The following ZNF680 variants were observed in gnomAD, a reference collection of about 807,000 sequenced individuals.
ZNF680 encodes hypothetical protein FLJ90430.
In ZNF680, 6 loss-of-function variants were observed where a neutral mutation model predicts 12.1. The ratio of observed to expected loss-of-function variants is 0.49; its 90% CI spans 0.27 to 0.98. The LOEUF (loss-of-function observed/expected upper bound fraction) is 0.98. Among genes scored for constraint, ZNF680 ranks in the 50% least tolerant of loss-of-function variants. The pLI is 0.12. For missense variants in ZNF680, 561 were observed against 616.3 expected (o/e 0.91, Z 0.95); for synonymous variants, 170 against 199.3 (o/e 0.85, Z 1.24).
chr7:64,503,946 C>T, the ZNF680 span, among the ~76,000 whole-genome samples: 2 of 152,150 alleles, frequency 1.3e-5, no homozygotes, highest in African/African-American at 4.8e-5. Context: ...AAAAAGCTAA[C>T]ATATTTTAAA....
At position 64,520,041 on chromosome 7, in the gene ZNF680, G is replaced by C. The variant is rs1791448248; in HGVS notation, c.*1120C>G. 6.6e-6 allele frequency: 1 copy of C among 151,626 alleles called. No individual in the cohort carries two copies. The highest frequency in any genetic ancestry group is 2.4e-5 in the African/African-American group (1 of 41,366). The allele number at this position is 151,626 out of a possible 1,614,324, so 9.4% of individuals were successfully genotyped here. A position where few individuals can be genotyped will look rare whatever the true frequency, so the allele number is the denominator to read the frequency against. ...TAAAATTAAAAATGCTTTTCTCTAT[G>C]ATGCAGAATATTACTCCAAACACCT... On this transcript the variant is annotated 3_prime_UTR_variant, in exon 4 of 4. Transcript: ENST00000309683.
Position 64,520,812 on chromosome 7 carries a change from C to A in ZNF680, c.*349G>T. The A allele has an allele frequency of 5.3e-6, 1 of 187,180 alleles. No individual in the cohort carries two copies. Among genetic ancestry groups the A allele is most frequent in the Non-Finnish European group, 1.1e-5 (1 of 89,882 alleles). 11.6% of individuals were successfully genotyped at this position (187,180 alleles called of 1,614,324 possible). A position where few individuals can be genotyped will look rare whatever the true frequency, so the allele number is the denominator to read the frequency against. ...TATGTTTGTCTTCAAAATAAACACGCTTCTTCACTTTAAAGTGTTATGTTT... is the reference window on the plus strand; with the variant it reads ...TATGTTTGTCTTCAAAATAAACACGATTCTTCACTTTAAAGTGTTATGTTT... On this transcript the variant is annotated 3_prime_UTR_variant, in exon 4 of 4. Transcript: ENST00000309683.
At chr7:64,499,397 T>C in the ZNF680 span, among the ~76,000 whole-genome samples, 1 of 152,196 alleles carries the variant, frequency 6.6e-6, no homozygotes, top group Admixed American at 6.5e-5. Flanking sequence ...TCTAGCCTCA[T>C]GCATTTCAAG....
At chr7:64,553,487 T>C (rs1787194188) in intron 1 of ZNF680, among the ~76,000 whole-genome samples, 1 of 152,202 alleles carries the variant, frequency 6.6e-6, no homozygotes, top group South Asian at 2.1e-4. Context: ...TGAATTTCAG[T>C]AGACACTGGA....
intron 1 of ZNF680, among the ~76,000 whole-genome samples, chr7:64,547,014 C>T (rs1584392206): frequency 2.0e-5 from 3 of 152,156 alleles, no homozygotes; most frequent in African/African-American, 7.2e-5. Flanking sequence ...GAACAATTAA[C>T]AGAACCTGTG....
intron 1 of ZNF680, among the ~76,000 whole-genome samples, chr7:64,560,304 A>C (rs1787664432): frequency 6.6e-6 from 1 of 151,782 alleles, no homozygotes. Context: ...AGTAGCGACA[A>C]GGCTTCACCA....
the ZNF680 span, among the ~76,000 whole-genome samples, chr7:64,509,880 C>T: frequency 2.6e-5 from 4 of 152,134 alleles, no homozygotes; most frequent in Admixed American, 1.3e-4. Context: ...TTGCTCTCCA[C>T]CCTGGGTCAC....
chr7:64,548,383 ACAT>A (rs1357280326), intron 1 of ZNF680, among the ~76,000 whole-genome samples: 1 of 152,244 alleles, frequency 6.6e-6, no homozygotes, highest in Admixed American at 6.5e-5. Context: ...TCTTTTCCAC[ACAT>A]CTATACATTG....
the ZNF680 span, among the ~76,000 whole-genome samples, chr7:64,503,378 C>CTTTTTTTTTT: frequency 1.1e-5 from 1 of 89,884 alleles, no homozygotes; most frequent in Non-Finnish European, 2.1e-5. Context: ...AACTGGAAGG[C>CTTTTTTTTTT]TTTTTTTTTT....
intron 1 of ZNF680, among the ~76,000 whole-genome samples, chr7:64,555,708 C>A (rs1787372642): frequency 7.4e-6 from 1 of 135,676 alleles, no homozygotes. Context: ...CCAAAAAATC[C>A]AGGAATTAAA....
intron 3 of ZNF680, among the ~76,000 whole-genome samples, chr7:64,527,456 G>A (rs1332941053): frequency 6.6e-6 from 1 of 152,124 alleles, no homozygotes; most frequent in South Asian, 2.1e-4. Context: ...AGCAGTTTGG[G>A]AGGCCGAGGA....
At chr7:64,554,426 A>C (rs1279510109) in intron 1 of ZNF680, among the ~76,000 whole-genome samples, 7 of 138,208 alleles carry the variant, frequency 5.1e-5, no homozygotes, top group Non-Finnish European at 7.8e-5. Context: ...GGCAGCCCCC[A>C]CCCGGCCGCT....
chr7:64,522,595 G>T, intron 3 of ZNF680, 95 bp from the exon 4 acceptor site: 2 of 914,848 alleles, frequency 2.2e-6, no homozygotes, highest in Non-Finnish European at 2.9e-6. Context: ...AACTACATAA[G>T]CAAAATACAA....
the ZNF680 span, among the ~76,000 whole-genome samples, chr7:64,511,126 T>G: frequency 6.7e-6 from 1 of 150,374 alleles, no homozygotes; most frequent in Non-Finnish European, 1.5e-5. Context: ...AAAAATTACC[T>G]AGGCACTGTG....
the ZNF680 span, among the ~76,000 whole-genome samples, chr7:64,507,915 G>A: frequency 6.7e-6 from 1 of 148,758 alleles, no homozygotes. Context: ...ATTTAGTGAT[G>A]TAGGTTAGTA....
At chr7:64,540,598 C>G (rs34754401) in intron 3 of ZNF680, among the ~76,000 whole-genome samples, 1 of 151,994 alleles carries the variant, frequency 6.6e-6, no homozygotes, top group African/African-American at 2.4e-5. Flanking sequence ...CCACTGAGCC[C>G]GGCTGATTTA....
the ZNF680 span, among the ~76,000 whole-genome samples, chr7:64,513,714 C>T: frequency 6.6e-6 from 1 of 151,896 alleles, no homozygotes; most frequent in Non-Finnish European, 1.5e-5. Flanking sequence ...GGCGTGATCT[C>T]AGCTCACTGC....
intron 3 of ZNF680, among the ~76,000 whole-genome samples, chr7:64,539,351 C>CAAAAAAAAAAAAAAAAA (rs1170166478): frequency 2.1e-4 from 10 of 48,476 alleles, no homozygotes; most frequent in Non-Finnish European, 2.4e-4. Flanking sequence ...AACTTCGTCT[C>CAAAAAAAAAAAAAAAAA]AAAAAAAAAA....
chr7:64,505,360 C>T, the ZNF680 span, among the ~76,000 whole-genome samples: 4 of 152,134 alleles, frequency 2.6e-5, no homozygotes, highest in Non-Finnish European at 5.9e-5. Context: ...TAGTAAAACC[C>T]TCTGTAATTA....
Sources: allele counts gnomAD v4.1 joint callset (sites outside exome capture counted in the v4.1 genomes callset), GRCh38; gene constraint gnomAD v4.1.1; transcripts MANE v1.5; gene names NCBI Gene and HGNC (gene_info 2026-07-23, HGNC 2026-07-21).